Variants in ZFHX3 observed in about 807,000 individuals in gnomAD.
ZFHX3 encodes zinc finger homeobox protein 3.
ZFHX3 carries 42 observed loss-of-function variants against 279.1 expected under a neutral mutation model. The observed-to-expected ratio is 0.15, with a 90% CI of 0.12 to 0.19. The LOEUF is 0.19. Ranked by LOEUF, ZFHX3 falls within the 10% of genes least tolerant of loss-of-function variation. The pLI is 1.00. For synonymous variants in ZFHX3, 2,293 were observed against 1,957.8 expected, an observed-to-expected ratio of 1.17 and a Z score of -4.52; for missense variants, 4,981 against 4,754.0, an observed-to-expected ratio of 1.05 and a Z score of -1.40.
chr16:73,445,820 T>C (rs2018176797), intron 3 of ZFHX3, among the ~76,000 whole-genome samples: 1 of 152,136 alleles, frequency 6.6e-6, no homozygotes, highest in Admixed American at 6.5e-5. Context: ...AGGGTTAGTG[T>C]GTAAATAAAA....
intron 2 of ZFHX3, among the ~76,000 whole-genome samples, chr16:73,570,071 T>C (rs988544372): frequency 6.6e-6 from 1 of 152,222 alleles, no homozygotes; most frequent in African/African-American, 2.4e-5. Context: ...TTCCCGGGTA[T>C]ACATTTTACA....
At chr16:72,872,940 C>T (rs573909412) in intron 4 of ZFHX3, among the ~76,000 whole-genome samples, 3 of 152,318 alleles carry the variant, frequency 2.0e-5, no homozygotes, top group East Asian at 1.9e-4. Flanking sequence ...GGCTCCCGAC[C>T]AGAGTCCTGA....
In ZFHX3 at chr16:73,224,088, A is replaced by G. The variant is rs1291899217; in HGVS notation, c.-1104+32959T>C. ...GGGCAGTGAAAGTACTCTGTATGGTACTATAGTGGTAGATACATGTCACTA... is the reference window on the plus strand; with the variant it reads ...GGGCAGTGAAAGTACTCTGTATGGTGCTATAGTGGTAGATACATGTCACTA... On this transcript the variant is annotated intron_variant, in intron 5 of 17. Transcript: ENST00000641206. Among the ~76,000 whole-genome samples the G allele has an allele frequency of 5.3e-5, 8 of 152,228 alleles. No homozygotes were observed. In the East Asian group the frequency reaches 1.5e-3, roughly 29 times the overall value.
At chr16:72,923,542 C>A (rs1597381267) in intron 3 of ZFHX3, among the ~76,000 whole-genome samples, 1 of 151,678 alleles carries the variant, frequency 6.6e-6, no homozygotes, top group African/African-American at 2.4e-5. Context: ...ATCAAAATTT[C>A]AGGTTAATGA....
intron 1 of ZFHX3, among the ~76,000 whole-genome samples, chr16:73,811,112 G>A (rs147244825): frequency 3.3e-5 from 5 of 152,238 alleles, no homozygotes; most frequent in South Asian, 2.1e-4. Flanking sequence ...TCAGTGCATC[G>A]TCACATTATG....
chr16:73,045,928 T>C (rs1965282833), intron 1 of ZFHX3, among the ~76,000 whole-genome samples: 2 of 152,120 alleles, frequency 1.3e-5, no homozygotes, highest in South Asian at 2.1e-4. Context: ...CGCTTCTGCA[T>C]CTGCTCCATG....
chr16:73,698,198 A>G (rs907623108), intron 1 of ZFHX3, among the ~76,000 whole-genome samples: 21 of 152,218 alleles, frequency 1.4e-4, no homozygotes, highest in African/African-American at 4.8e-4. Context: ...AAAAAAATTA[A>G]TAGTATCTAT....
intron 2 of ZFHX3, among the ~76,000 whole-genome samples, chr16:73,637,985 G>A (rs1198851455): frequency 4.6e-5 from 7 of 152,156 alleles, no homozygotes. Flanking sequence ...ATTTTAATCT[G>A]TCAAATTGTT....
intron 1 of ZFHX3, among the ~76,000 whole-genome samples, chr16:73,792,863 C>CG (rs1002525059): frequency 5.4e-5 from 8 of 147,508 alleles, no homozygotes; most frequent in African/African-American, 1.3e-4. Context: ...TGCACCCCCC[C>CG]CCTCCCCTCT....
intron 3 of ZFHX3, among the ~76,000 whole-genome samples, chr16:73,336,483 T>C (rs2015916016): frequency 6.7e-6 from 1 of 150,132 alleles, no homozygotes; most frequent in Non-Finnish European, 1.5e-5. Context: ...TGAAAACATG[T>C]GGTGTTTGAT....
At chr16:73,021,237 G>A (rs1894099024) in intron 1 of ZFHX3, among the ~76,000 whole-genome samples, 2 of 152,174 alleles carry the variant, frequency 1.3e-5, no homozygotes, top group African/African-American at 2.4e-5. Context: ...GAGGAAACGG[G>A]GCTCGAGGTT....
intron 2 of ZFHX3, among the ~76,000 whole-genome samples, chr16:73,534,415 C>A (rs180758381): frequency 1.1e-4 from 17 of 152,230 alleles, no homozygotes; most frequent in African/African-American, 3.8e-4. Flanking sequence ...TTTCTCTTAC[C>A]CTTCTGTCTC....
chr16:73,887,307 A>C (rs1487396879), intron 1 of ZFHX3, among the ~76,000 whole-genome samples: 1 of 152,178 alleles, frequency 6.6e-6, no homozygotes, highest in Non-Finnish European at 1.5e-5. Context: ...CTCAAAATGA[A>C]CTCTAGTCTT....
intron 1 of ZFHX3, among the ~76,000 whole-genome samples, chr16:73,036,705 G>A (rs921602246): frequency 9.9e-5 from 15 of 152,110 alleles, no homozygotes; most frequent in Admixed American, 8.5e-4. Flanking sequence ...TGATCCCCTC[G>A]GTCGGTCGCT....
rs186298763 is a variant in ZFHX3 at position 73,810,993 on chromosome 16, T to A, written c.-1608+80658A>T. On this transcript the variant is annotated intron_variant, in intron 1 of 17. Coordinates refer to the ZFHX3 transcript ENST00000641206. ...CCTCCAAGCAAAAAGAAAAGGATTA[T>A]ATGAACTACACAGGAGGCCTGAGAT... Among the ~76,000 whole-genome samples the A allele has an allele frequency of 5.3e-5, 8 of 152,278 alleles. No homozygotes were observed. In the East Asian group the frequency reaches 1.5e-3, roughly 29 times the overall value.
intron 2 of ZFHX3, among the ~76,000 whole-genome samples, chr16:73,648,226 G>A (rs768633735): frequency 1.4e-4 from 22 of 151,954 alleles, no homozygotes; most frequent in Non-Finnish European, 2.8e-4. Flanking sequence ...TAATTATAAC[G>A]AATAACTAGA....
chr16:72,864,819 T>A (rs1161049009), intron 4 of ZFHX3, among the ~76,000 whole-genome samples: 6 of 152,198 alleles, frequency 3.9e-5, no homozygotes, highest in African/African-American at 1.4e-4. Context: ...TTTGGAAACA[T>A]CCAGATGTTA....
chr16:72,848,621 G>A (rs751702734), intron 4 of ZFHX3, among the ~76,000 whole-genome samples: 8 of 151,582 alleles, frequency 5.3e-5, no homozygotes, highest in Non-Finnish European at 7.4e-5. Flanking sequence ...CTGGGTCTGC[G>A]GCCATCACCC....
intron 1 of ZFHX3, among the ~76,000 whole-genome samples, chr16:73,806,029 C>T (rs775149672): frequency 1.6e-4 from 24 of 152,192 alleles, no homozygotes; most frequent in African/African-American, 2.7e-4. Context: ...AGGAAACTTA[C>T]AATCATGGCG....
Sources: gnomAD v4.1 joint callset for allele counts (sites outside exome capture counted in the v4.1 genomes callset) on GRCh38, gnomAD v4.1.1 for gene constraint, MANE v1.5 for transcripts, NCBI Gene and HGNC (gene_info 2026-07-23, HGNC 2026-07-21) for gene names.